The following ALPK1 variants were observed in gnomAD, a reference collection of about 807,000 sequenced individuals.
The protein encoded by ALPK1 is alpha kinase 1, also known as alpha-protein kinase 1.
ALPK1 carries 110 observed loss-of-function variants against 120.6 expected under a neutral mutation model. The ratio of observed to expected loss-of-function variants is 0.91; its 90% confidence interval spans 0.78 to 1.07. The LOEUF is 1.07. ALPK1 is among the 50% of genes least tolerant of loss of function. The pLI is 0.00. For missense variants in ALPK1, 1,498 were observed against 1,483.9 expected (o/e 1.01, Z -0.16); for synonymous variants, 582 against 560.3 (o/e 1.04, Z -0.55).
chr4:112,418,277 T>C (rs1390503655), intron 5 of ALPK1, among the ~76,000 whole-genome samples: 1 of 152,162 alleles, frequency 6.6e-6, no homozygotes, highest in Admixed American at 6.5e-5. Context: ...TTCTGAATGT[T>C]GGGGGAAGCC....
chr4:112,315,064 G>GCTGTATTTTAGTAGTTGTATTTT (rs1415436173), intron 1 of ALPK1, among the ~76,000 whole-genome samples: 14 of 151,750 alleles, frequency 9.2e-5, no homozygotes, highest in Admixed American at 8.5e-4. Context: ...ATTTTTAGTA[G>GCTGTATTTTAGTAGTTGTATTTT]AGACAGGGTT....
At chr4:112,382,021 C>G (rs557726575) in intron 3 of ALPK1, among the ~76,000 whole-genome samples, 1 of 152,220 alleles carries the variant, frequency 6.6e-6, no homozygotes, top group Non-Finnish European at 1.5e-5. Context: ...CTGCCACAAG[C>G]CCAGAATGCC....
intron 7 of ALPK1, 129 bp from the exon 8 acceptor site, chr4:112,426,338 C>T: frequency 1.6e-6 from 1 of 609,268 alleles, no homozygotes; most frequent in Non-Finnish European, 2.8e-6. Context: ...TAATCTAAGC[C>T]TAAGTTTTCC....
chr4:112,302,499 C>T (rs1727833102), intron 1 of ALPK1: 1 of 152,494 alleles, frequency 6.6e-6, no homozygotes, highest in African/African-American at 2.4e-5. Flanking sequence ...ACTCCATCAA[C>T]TTCCTTCCTC....
intron 4 of ALPK1, 69 bp from the exon 5 acceptor site, chr4:112,411,758 A>G: frequency 6.8e-7 from 1 of 1,467,164 alleles, no homozygotes; most frequent in East Asian, 2.5e-5. Flanking sequence ...AATGCCTCCC[A>G]CGCTAAGCCT....
intron 4 of ALPK1, chr4:112,384,410 G>A (rs754651624): frequency 2.0e-5 from 3 of 152,250 alleles, no homozygotes; most frequent in South Asian, 2.1e-4. Flanking sequence ...CACTTGAAAT[G>A]TGGTGAATGG....
At chr4:112,396,328 T>TC (rs1732649365) in intron 4 of ALPK1, among the ~76,000 whole-genome samples, 1 of 152,146 alleles carries the variant, frequency 6.6e-6, no homozygotes, top group Admixed American at 6.6e-5. Context: ...TTGTAGTATT[T>TC]CCCCCTCTCA....
At chr4:112,427,780 C>T in intron 9 of ALPK1, 115 bp downstream of exon 9, 1 of 720,368 alleles carries the variant, frequency 1.4e-6, no homozygotes, top group South Asian at 1.7e-5. Flanking sequence ...CAGTGCTGCG[C>T]CTCCTAGACA....
At chr4:112,311,561 T>C (rs1350798766) in intron 1 of ALPK1, among the ~76,000 whole-genome samples, 1 of 152,214 alleles carries the variant, frequency 6.6e-6, no homozygotes, top group African/African-American at 2.4e-5. Flanking sequence ...ATTCTCTGTT[T>C]AGATCTACTT....
In ALPK1 at chr4:112,441,342, G is replaced by T. The variant is rs570257396; in HGVS notation, c.*132G>T. 9.0e-6 allele frequency: 7 copies of T among 779,586 alleles called. No homozygotes were observed. Among genetic ancestry groups the T allele is most frequent in the Admixed American group, 8.8e-5 (5 of 56,954 alleles). The allele number at this position is 779,586 out of a possible 1,614,324, so 48.3% of individuals were successfully genotyped here. ...AATTGGCAGCACAAGATCCTGCAGA[G>T]CCTCTTTCCCTCTGCCACAGTTATC... is the stretch of plus-strand genomic sequence containing the variant. On this transcript the variant is annotated 3_prime_UTR_variant, in exon 16 of 16. Transcript: ENST00000650871.
chr4:112,426,440 TCTCC>T, intron 7 of ALPK1, 23 bp from the exon 8 acceptor site: 5 of 1,585,020 alleles, frequency 3.2e-6, no homozygotes, highest in Non-Finnish European at 4.3e-6. Flanking sequence ...CCCCTGTCCC[TCTCC>T]CCGCCCCTCT....
chr4:112,298,951 G>A (rs938846257), intron 1 of ALPK1, among the ~76,000 whole-genome samples: 3 of 152,164 alleles, frequency 2.0e-5, no homozygotes, highest in Admixed American at 6.5e-5. Flanking sequence ...TGCAGAGAAT[G>A]ATGGCTTTTT....
chr4:112,413,416 A>G (rs1171591156), intron 5 of ALPK1, among the ~76,000 whole-genome samples: 1 of 151,928 alleles, frequency 6.6e-6, no homozygotes, highest in Admixed American at 6.6e-5. Flanking sequence ...TCAGGTTTCC[A>G]TTTTTGTTTT....
chr4:112,391,063 G>A (rs1158789540), intron 4 of ALPK1, among the ~76,000 whole-genome samples: 2 of 152,178 alleles, frequency 1.3e-5, no homozygotes, highest in East Asian at 3.9e-4. Context: ...TTGTATTATT[G>A]TTCCCACATA....
At chr4:112,391,119 T>C (rs541790939) in intron 4 of ALPK1, among the ~76,000 whole-genome samples, 1 of 152,330 alleles carries the variant, frequency 6.6e-6, no homozygotes, top group East Asian at 1.9e-4. Flanking sequence ...GAAAGGAATA[T>C]ACCTTCCCAT....
Position 112,362,206 on chromosome 4 carries a change from A to G in ALPK1, c.-100-15472A>G, listed in dbSNP as rs1026292945. ...TTTATCACCCCCAAAAGATCACACTAGCTCACCAGCAATGGATCCAAACCA... is the reference window on the plus strand; with the variant it reads ...TTTATCACCCCCAAAAGATCACACTGGCTCACCAGCAATGGATCCAAACCA... On this transcript the variant is annotated intron_variant, in intron 2 of 15. Coordinates refer to ENST00000650871, the MANE Select transcript of ALPK1 (RefSeq NM_025144.4). Among the ~76,000 whole-genome samples the G allele has an allele frequency of 2.6e-5, 4 of 152,356 alleles. No individual in the cohort carries two copies. The East Asian group carries it at 7.7e-4, about 29-fold the overall frequency.
chr4:112,405,685 C>T (rs1329134891), intron 4 of ALPK1, among the ~76,000 whole-genome samples: 1 of 152,152 alleles, frequency 6.6e-6, no homozygotes, highest in Non-Finnish European at 1.5e-5. Context: ...AAGTGATTCT[C>T]CTGCCTCAGC....
intron 2 of ALPK1, among the ~76,000 whole-genome samples, chr4:112,355,401 G>C (rs1730556867): frequency 6.6e-6 from 1 of 152,176 alleles, no homozygotes; most frequent in South Asian, 2.1e-4. Context: ...GCAGAAGCTG[G>C]ACCGAGCGGG....
chr4:112,331,790 T>C (rs1171442019), intron 2 of ALPK1, among the ~76,000 whole-genome samples: 2 of 152,224 alleles, frequency 1.3e-5, no homozygotes, highest in African/African-American at 4.8e-5. Context: ...CCTTTAGCAG[T>C]TGTGAAGTCT....
Sources: gnomAD v4.1 joint callset for allele counts (sites outside exome capture counted in the v4.1 genomes callset) on GRCh38, gnomAD v4.1.1 for gene constraint, MANE v1.5 for transcripts, NCBI Gene and HGNC (gene_info 2026-07-23, HGNC 2026-07-21) for gene names.